Variants in HS1BP3 observed in about 807,000 individuals in gnomAD.
HS1BP3 encodes the protein HCLS1 binding protein 3.
HS1BP3 carries 32 observed loss-of-function variants against 33.5 expected under a neutral mutation model. The ratio of observed to expected loss-of-function variants is 0.95; its 90% CI spans 0.72 to 1.28. The LOEUF (loss-of-function observed/expected upper bound fraction) is 1.28, where lower values mean the gene tolerates loss of function less well. Ranked by LOEUF, HS1BP3 falls within the 50% of genes most tolerant of loss-of-function variation. The pLI is 0.00. For synonymous variants in HS1BP3, 187 were observed against 209.2 expected, an observed-to-expected ratio of 0.89 and a Z score of 0.92; for missense variants, 486 against 502.3, an observed-to-expected ratio of 0.97 and a Z score of 0.31.
intron 4 of HS1BP3, chr2:20,634,723 C>T (rs958612815): frequency 1.3e-5 from 2 of 152,184 alleles, no homozygotes; most frequent in African/African-American, 4.8e-5. Context: ...TGATTTCATC[C>T]AAATATAGAG....
At chr2:20,572,129 C>G (rs924725248) in intron 5 of HS1BP3, among the ~76,000 whole-genome samples, 2 of 152,226 alleles carry the variant, frequency 1.3e-5, no homozygotes, top group Non-Finnish European at 2.9e-5. Flanking sequence ...TGGCTCGGTT[C>G]TGAAGTCTTT....
intron 5 of HS1BP3, among the ~76,000 whole-genome samples, chr2:20,583,797 C>T (rs904994532): frequency 1.2e-4 from 19 of 152,182 alleles, no homozygotes; most frequent in Admixed American, 1.1e-3. Context: ...CTCGGTCCTG[C>T]CAGTGCTCAG....
chr2:20,603,230 A>G (rs1694106441), intron 2 of HS1BP3, among the ~76,000 whole-genome samples: 1 of 152,262 alleles, frequency 6.6e-6, no homozygotes, highest in African/African-American at 2.4e-5. Context: ...TGTTAGGTAT[A>G]TGTCCAAGAG....
Position 20,573,792 on chromosome 2 carries a change from G to C in HS1BP3, c.303-13277C>G, listed in dbSNP as rs147814141. Among the ~76,000 whole-genome samples the C allele has an allele frequency of 7.6e-3, 1,162 of 152,322 alleles. 11 individuals are homozygous for C. The highest frequency in any genetic ancestry group is 0.012 in the Non-Finnish European group (826 of 68,034). On this transcript the variant is annotated intron_variant, in intron 5 of 5. Transcript: ENST00000446825. The stretch of plus-strand genomic sequence containing the variant: ...AAGCCCGGAATCCAGACAGCCTCCG[G>C]TCAGGACCATTCATCGGTGCTGACC...
At chr2:20,596,263 G>T (rs183405805) in intron 3 of HS1BP3, among the ~76,000 whole-genome samples, 58 of 152,278 alleles carry the variant, frequency 3.8e-4, no homozygotes, top group African/African-American at 1.3e-3. Context: ...CAAGACCCCA[G>T]CTAGGATACT....
intron 6 of HS1BP3, chr2:20,622,373 A>G: frequency 1.6e-6 from 2 of 1,281,664 alleles, no homozygotes; most frequent in Non-Finnish European, 2.1e-6. Flanking sequence ...GATGTCTGCT[A>G]AAGTGAAGGT....
At chr2:20,587,149 C>CCCCCTTT (rs1693700866) in intron 5 of HS1BP3, among the ~76,000 whole-genome samples, 1 of 152,118 alleles carries the variant, frequency 6.6e-6, no homozygotes, top group Admixed American at 6.5e-5. Flanking sequence ...AATAGTAAAA[C>CCCCCTTT]ATGGAAGCCA....
Position 20,638,605 on chromosome 2 carries a change from C to T in HS1BP3, c.454G>A (p.Val152Ile). 1 of 1,614,228 alleles carries T rather than the reference C, an allele frequency of 6.2e-7. No individual in the cohort carries two copies. Among genetic ancestry groups the T allele is most frequent in the Non-Finnish European group, 8.5e-7 (1 of 1,180,036 alleles). The change falls in exon 4 of 7, where the codon GTC (valine) becomes ATC (isoleucine). Residue 152 changes from valine to isoleucine, a missense_variant. By Grantham distance (29) the Val-to-Ile change is conservative. Coordinates refer to ENST00000304031, the MANE Select transcript of HS1BP3 (RefSeq NM_022460.4). ...GTCTGACTGTCTGTGCCATCCAGGA[C>T]AGAGGAATCTCTGCTGGTGAGCCCT... ...AAGLTSRDSS[V>I]LDGTDSQTGN...
chr2:20,650,015 T>G (rs1158108644), intron 1 of HS1BP3, among the ~76,000 whole-genome samples: 1 of 152,104 alleles, frequency 6.6e-6, no homozygotes, highest in African/African-American at 2.4e-5. Flanking sequence ...TGAGGCTTGG[T>G]GAGAGGAGGT....
In HS1BP3 at chr2:20,611,422, G is replaced by A. The variant is rs1202962732; in HGVS notation, c.178+12474C>T. 6.6e-6 allele frequency among the ~76,000 whole-genome samples: 1 copy of A among 152,190 alleles called. No individual in the cohort carries two copies. The highest frequency in any genetic ancestry group is 1.5e-5 in the Non-Finnish European group (1 of 68,034). On this transcript the variant is annotated intron_variant, in intron 2 of 3. Transcript: ENST00000415264. This position sits in a 1 kb window ranked among gnomAD's most constrained non-coding sequence, Gnocchi z 4.9. ...GGCCAGCCTGACCATGGGCCGCTGG[G>A]ACTGCCAGAAACCTCTCTCCACTTG... is the stretch of plus-strand genomic sequence containing the variant.
At chr2:20,571,534 CCAAA>C (rs1225270568) in intron 5 of HS1BP3, among the ~76,000 whole-genome samples, 1 of 152,248 alleles carries the variant, frequency 6.6e-6, no homozygotes, top group Non-Finnish European at 1.5e-5. Flanking sequence ...AGGTCATTGG[CCAAA>C]CAGACTGGCG....
At chr2:20,566,420 T>C (rs1488187969) in intron 5 of HS1BP3, among the ~76,000 whole-genome samples, 1 of 152,066 alleles carries the variant, frequency 6.6e-6, no homozygotes, top group Non-Finnish European at 1.5e-5. Flanking sequence ...CACCTGTGGG[T>C]CCAAAGCCCT....
downstream of HS1BP3, among the ~76,000 whole-genome samples, chr2:20,555,512 G>A (rs1323090973): frequency 1.3e-5 from 2 of 152,192 alleles, no homozygotes; most frequent in African/African-American, 4.8e-5. Context: ...TACCCACATG[G>A]GGAGGTGGTA....
chr2:20,615,582 G>A (rs1316058667), downstream of HS1BP3, among the ~76,000 whole-genome samples: 1 of 152,236 alleles, frequency 6.6e-6, no homozygotes, highest in East Asian at 1.9e-4. Flanking sequence ...GCCAATAGCA[G>A]CAGGCAGGAC....
At chr2:20,605,211 C>G (rs1284459428) in intron 2 of HS1BP3, among the ~76,000 whole-genome samples, 1 of 152,196 alleles carries the variant, frequency 6.6e-6, no homozygotes, top group Admixed American at 6.5e-5. Context: ...CTGGGAGGCC[C>G]ATGGCTCCCC....
At chr2:20,560,923 A>G (rs1434896914) in intron 5 of HS1BP3, among the ~76,000 whole-genome samples, 1 of 152,084 alleles carries the variant, frequency 6.6e-6, no homozygotes. Flanking sequence ...AAGAAGAGGA[A>G]GGGAAAGCAG....
chr2:20,619,039 T>A lies in HS1BP3; in HGVS notation c.1127A>T (p.Gln376Leu). The change falls in exon 7 of 7, where the codon CAG (glutamine) becomes CTG (leucine). Residue 376 changes from glutamine to leucine, a missense_variant. Physicochemically the swap from Gln to Leu is moderately radical, Grantham distance 113. Transcript: ENST00000304031. Reference sequence around the variant, plus strand: ...TGGTGTATCGTGGTCCTGGATGTACTGCAAGATGTCCATCTCGTCCATGGC... The same window carrying A: ...TGGTGTATCGTGGTCCTGGATGTACAGCAAGATGTCCATCTCGTCCATGGC... The part of the protein sequence containing the change: ...IQAMDEMDIL[Q>L]YIQDHDTPAQ... 1 of 1,614,172 alleles carries A rather than the reference T, an allele frequency of 6.2e-7. No homozygotes were observed. Among genetic ancestry groups the A allele is most frequent in the South Asian group, 1.1e-5 (1 of 91,088 alleles).
intron 4 of HS1BP3, among the ~76,000 whole-genome samples, chr2:20,631,440 G>T (rs973896362): frequency 3.4e-5 from 5 of 145,094 alleles, no homozygotes; most frequent in African/African-American, 1.3e-4. Flanking sequence ...AGTTAAGTCT[G>T]GGAGGTTGAA....
downstream of HS1BP3, among the ~76,000 whole-genome samples, chr2:20,556,505 A>G (rs1692845608): frequency 6.6e-6 from 1 of 152,210 alleles, no homozygotes; most frequent in South Asian, 2.1e-4. Flanking sequence ...CTTCTTTTAT[A>G]TGATCAAGGT....
Sources: allele counts gnomAD v4.1 joint callset (sites outside exome capture counted in the v4.1 genomes callset), GRCh38; gene constraint gnomAD v4.1.1; non-coding constraint Gnocchi (gnomAD v3.1); transcripts MANE v1.5; gene names NCBI Gene and HGNC (gene_info 2026-07-23, HGNC 2026-07-21).